Variants in ASB10 observed in about 807,000 individuals in gnomAD.
The protein encoded by ASB10 is ankyrin repeat and SOCS box containing 10.
A neutral mutation model predicts 35.4 loss-of-function variants in ASB10; 44 were observed. The observed-to-expected ratio is 1.24, with a 90% CI of 0.98 to 1.60. The LOEUF (loss-of-function observed/expected upper bound fraction) is 1.60. Among genes scored for constraint, ASB10 ranks in the 40% most tolerant of loss-of-function variants. The pLI, the probability that ASB10 is intolerant of heterozygous loss-of-function variation, is 0.00. For synonymous variants in ASB10, 294 were observed against 280.4 expected, an observed-to-expected ratio of 1.05 and a Z score of -0.49; for missense variants, 647 against 634.3, an observed-to-expected ratio of 1.02 and a Z score of -0.22.
intron 4 of ASB10, 52 bp from the exon 5 acceptor site, chr7:151,176,349 C>T (rs1177668781): frequency 6.6e-7 from 1 of 1,510,782 alleles, no homozygotes; most frequent in Non-Finnish European, 8.8e-7. Context: ...CAGGTAGCAC[C>T]GGCTCCTCCT....
rs117973073 is a variant in ASB10 at position 151,183,469 on chromosome 7, G to T, written c.585-2011C>A. ...GTCACCCAGGCTGGAATACAGTGGC[G>T]TGATCTCCACTCACTGCAACCTCCG... On this transcript the variant is annotated intron_variant, in intron 2 of 5. Coordinates refer to ENST00000420175, the MANE Select transcript of ASB10 (RefSeq NM_001142459.2). 0.012 allele frequency among the ~76,000 whole-genome samples: 1,844 copies of T among 152,176 alleles called. 102 individuals are homozygous for T. In the East Asian group the frequency reaches 0.2, roughly 16 times the overall value.
In ASB10 at chr7:151,181,440, G is replaced by A; in HGVS notation, c.603C>T (p.Leu201=). The change falls in exon 3 of 6, where the codon CTC becomes CTT. Residue 201 remains leucine, a synonymous_variant. Transcript: ENST00000420175. ...GACCATCCACTCTCGCTCCAAACCT[G>A]AGGAGCAGCTCCGCACACCTATTGG... ...PGTLECAELL[L]RFGARVDGRS... 6.3e-7 allele frequency: 1 copy of A among 1,599,482 alleles called. No homozygotes were observed. The highest frequency in any genetic ancestry group is 8.5e-7 in the Non-Finnish European group (1 of 1,170,644).
chr7:151,186,309 G>T (rs2150560354), intron 2 of ASB10, 83 bp downstream of exon 2: 1 of 1,466,588 alleles, frequency 6.8e-7, no homozygotes, highest in Non-Finnish European at 9.1e-7. Flanking sequence ...CCAGGTCCCT[G>T]ACATTTTCCC....
chr7:151,180,596 T>G (rs571598156), intron 3 of ASB10, among the ~76,000 whole-genome samples: 1 of 152,194 alleles, frequency 6.6e-6, no homozygotes, highest in South Asian at 2.1e-4. Flanking sequence ...CAGCCCTGAC[T>G]TCTTCTGTCT....
intron 3 of ASB10, 150 bp downstream of exon 3, chr7:151,180,789 A>C: frequency 7.4e-7 from 1 of 1,359,498 alleles, no homozygotes; most frequent in South Asian, 1.8e-5. Context: ...CTTGACCCCT[A>C]TTTGGGCTTT....
At chr7:151,177,441 C>G (rs1801408993) in intron 3 of ASB10, among the ~76,000 whole-genome samples, 1 of 152,266 alleles carries the variant, frequency 6.6e-6, no homozygotes, top group Non-Finnish European at 1.5e-5. Flanking sequence ...ACCACACCAC[C>G]ATCCTGCTCT....
In ASB10 at chr7:151,181,023, T is replaced by C. The variant is rs780135245; in HGVS notation, c.1020A>G (p.Ala340=). The C allele has an allele frequency of 1.2e-6, 2 of 1,607,004 alleles. No individual in the cohort carries two copies. Among genetic ancestry groups the C allele is most frequent in the Admixed American group, 3.3e-5 (2 of 59,866 alleles). ...PLHCALQGPA[A]ALAQSPEHVV... Reference sequence around the variant, plus strand: ...CGTGCTCGGGGCTCTGGGCCAGGGCTGCAGCTGGGCCCTGCAGAGCACAGT... The same window carrying C: ...CGTGCTCGGGGCTCTGGGCCAGGGCCGCAGCTGGGCCCTGCAGAGCACAGT... The change falls in exon 3 of 6, where the codon GCA becomes GCG. Residue 340 remains alanine, a synonymous_variant. Coordinates refer to ENST00000420175, the MANE Select transcript of ASB10 (RefSeq NM_001142459.2).
At position 151,180,999 on chromosome 7, in the gene ASB10, G is replaced by A. The variant is rs376389695; in HGVS notation, c.1044C>T (p.His348=). 37 of 1,597,942 alleles carry A rather than the reference G, an allele frequency of 2.3e-5. No homozygotes were observed. The highest frequency in any genetic ancestry group is 1.1e-4 in the South Asian group (10 of 90,630). ...CATGGTTGAGCAGAGCCCGAACCAC[G>A]TGCTCGGGGCTCTGGGCCAGGGCTG... ...PAAALAQSPE[H]VVRALLNHGA... The change falls in exon 3 of 6, where the codon CAC becomes CAT. Residue 348 remains histidine (H), a synonymous_variant. Transcript: ENST00000420175.
At position 151,181,229 on chromosome 7, in the gene ASB10, G is replaced by C; in HGVS notation, c.814C>G (p.Arg272Gly). The C allele has an allele frequency of 1.2e-6, 2 of 1,612,992 alleles. No individual in the cohort carries two copies. The highest frequency in any genetic ancestry group is 8.5e-7 in the Non-Finnish European group (1 of 1,179,914). Residue 272 changes from arginine (R) to glycine (G), a missense_variant, in exon 3 of 6, where the codon CGC (arginine) becomes GGC (glycine). Physicochemically the swap from Arg to Gly is moderately radical, Grantham distance 125. Coordinates refer to ENST00000420175, the MANE Select transcript of ASB10 (RefSeq NM_001142459.2). Reference sequence around the variant, plus strand: ...AGCAAGCTGCACAGCTGCAGGCAGCGGGCGGTGGTGGCCTCGGCATCGGTG... The same window carrying C: ...AGCAAGCTGCACAGCTGCAGGCAGCCGGCGGTGGTGGCCTCGGCATCGGTG... ...SITDAEATTARCLQLCSLLLS... is the reference protein window; with the variant it reads ...SITDAEATTAGCLQLCSLLLS...
At chr7:151,187,329 CA>C, upstream of ASB10, 1 of 1,519,146 alleles carries the variant, frequency 6.6e-7, no homozygotes, top group Non-Finnish European at 8.9e-7. This position sits in a 1 kb window ranked among gnomAD's most constrained non-coding sequence, Gnocchi z 5.3. Flanking sequence ...GGCTATTGGG[CA>C]AGCTTTGAGG....
At chr7:151,184,306 G>C (rs549021328) in intron 2 of ASB10, among the ~76,000 whole-genome samples, 140 of 152,112 alleles carry the variant, frequency 9.2e-4, no homozygotes, top group African/African-American at 3.3e-3. Flanking sequence ...CCAGCTACTC[G>C]GGAGGCTGAG....
chr7:151,181,334 G>A lies in ASB10; in HGVS notation c.709C>T (p.Arg237Trp), dbSNP rs61735708. The A allele has an allele frequency of 1.0e-4, 168 of 1,613,200 alleles. No individual in the cohort carries two copies. The highest frequency in any genetic ancestry group is 9.2e-4 in the South Asian group (84 of 91,084). The change falls in exon 3 of 6, where the codon CGG becomes TGG. Residue 237 changes from arginine (R) to tryptophan (W), a missense_variant. By Grantham distance (101) the Arg-to-Trp change is moderately radical. Transcript: ENST00000420175. ...HVELADLLLR[R>W]GACPDARNAE... ...TTGCGGGCATCAGGACATGCCCCCC[G>A]TCTTAGAAGCAGATCTGCCAGCTCC...
intron 3 of ASB10, among the ~76,000 whole-genome samples, chr7:151,178,209 A>G (rs1466477026): frequency 6.6e-6 from 1 of 152,222 alleles, no homozygotes; most frequent in Admixed American, 6.5e-5. Flanking sequence ...GGATCGTGCC[A>G]CGGCACGTGT....
At chr7:151,182,605 A>G (rs1374821836) in intron 2 of ASB10, among the ~76,000 whole-genome samples, 1 of 152,116 alleles carries the variant, frequency 6.6e-6, no homozygotes, top group East Asian at 1.9e-4. Flanking sequence ...AATAAAAAAG[A>G]CTGAAATTGG....
rs762505875 is a variant in ASB10, at chr7:151,187,027, G to C, written c.104C>G (p.Ser35Cys). 3.7e-6 allele frequency: 6 copies of C among 1,611,086 alleles called. No individual in the cohort carries two copies. The South Asian group carries it at 6.6e-5, about 18-fold the overall frequency. Residue 35 changes from serine (S) to cysteine (C), a missense_variant, in exon 1 of 6, where the codon TCT becomes TGT. By Grantham distance (112) the Ser-to-Cys change is moderately radical. Transcript: ENST00000420175. The surrounding 1 kb of genome is among the most constrained non-coding windows in gnomAD (Gnocchi z 5.3). ...CGGGCCAGACTTGAGGTGCTCCTCA[G>C]ACCCTCTGCTGGGCTTCTCCACCAG... is the stretch of plus-strand genomic sequence containing the variant. ...ARLVEKPSRGSEEHLKSGPGP... is the reference protein window; with the variant it reads ...ARLVEKPSRGCEEHLKSGPGP...
rs867566791 is a variant in ASB10 at position 151,181,132 on chromosome 7, C to T, written c.911G>A (p.Arg304His). 14 of 1,611,664 alleles carry T rather than the reference C, an allele frequency of 8.7e-6. No individual in the cohort carries two copies. The highest frequency in any genetic ancestry group is 2.2e-5 in the South Asian group (2 of 91,032). The change falls in exon 3 of 6, where the codon CGT (arginine) becomes CAT (histidine). Residue 304 changes from arginine (R) to histidine (H), a missense_variant. Physicochemically the swap from Arg to His is conservative, Grantham distance 29. Transcript: ENST00000420175. The part of the protein sequence containing the change: ...KQRPLHLACR[R>H]GHAAVVELLL... ...CAGCTCCACGACAGCTGCATGGCCA[C>T]GGCGGCAGGCCAGGTGCAGGGGTCG...
chr7:151,181,008 G>C lies in ASB10; in HGVS notation c.1035C>G (p.Ser345Arg), dbSNP rs758316504. ...GCAGAGCCCGAACCACGTGCTCGGGGCTCTGGGCCAGGGCTGCAGCTGGGC... is the reference window on the plus strand; with the variant it reads ...GCAGAGCCCGAACCACGTGCTCGGGCCTCTGGGCCAGGGCTGCAGCTGGGC... Reference protein sequence around the residue: ...LQGPAAALAQSPEHVVRALLN... With the variant: ...LQGPAAALAQRPEHVVRALLN... The change falls in exon 3 of 6, where the codon AGC (serine) becomes AGG (arginine). Residue 345 changes from serine (S) to arginine (R), a missense_variant. Coordinates refer to ENST00000420175, the MANE Select transcript of ASB10 (RefSeq NM_001142459.2). 1 of 1,603,338 alleles carries C rather than the reference G, an allele frequency of 6.2e-7. No individual in the cohort carries two copies. Among genetic ancestry groups the C allele is most frequent in the Middle Eastern group, 1.7e-4 (1 of 5,886 alleles).
chr7:151,181,978 A>G (rs1801504470), intron 2 of ASB10, among the ~76,000 whole-genome samples: 1 of 152,224 alleles, frequency 6.6e-6, no homozygotes, highest in Non-Finnish European at 1.5e-5. Flanking sequence ...ATCCGTGGGA[A>G]TAAACGTCAC....
At position 151,181,334 on chromosome 7, in the gene ASB10, G is replaced by T; in HGVS notation, c.709C>A (p.Arg237=). The T allele has an allele frequency of 6.2e-7, 1 of 1,613,200 alleles. No homozygotes were observed. Among genetic ancestry groups the T allele is most frequent in the Non-Finnish European group, 8.5e-7 (1 of 1,179,968 alleles). ...HVELADLLLR[R]GACPDARNAE... ...TTGCGGGCATCAGGACATGCCCCCCGTCTTAGAAGCAGATCTGCCAGCTCC... is the reference window on the plus strand; with the variant it reads ...TTGCGGGCATCAGGACATGCCCCCCTTCTTAGAAGCAGATCTGCCAGCTCC... The change falls in exon 3 of 6, where the codon CGG becomes AGG. Residue 237 remains arginine (R), a synonymous_variant. Coordinates refer to ENST00000420175, the MANE Select transcript of ASB10 (RefSeq NM_001142459.2).
Sources: gnomAD v4.1 joint callset for allele counts (sites outside exome capture counted in the v4.1 genomes callset) on GRCh38, gnomAD v4.1.1 for gene constraint, Gnocchi (gnomAD v3.1) non-coding constraint, MANE v1.5 for transcripts, NCBI Gene and HGNC (gene_info 2026-07-23, HGNC 2026-07-21) for gene names.